Variants in ZKSCAN2 observed in about 807,000 individuals in gnomAD.
The protein encoded by ZKSCAN2 is zinc finger protein with KRAB and SCAN domains 2.
In ZKSCAN2, 38 loss-of-function variants were observed where a neutral mutation model predicts 90.5. The observed-to-expected ratio is 0.42, with a 90% CI of 0.32 to 0.55. The LOEUF is 0.55. ZKSCAN2 is among the 20% of genes least tolerant of loss of function. ZKSCAN2 has a pLI of 0.11. For synonymous variants in ZKSCAN2, 429 were observed against 421.6 expected, an observed-to-expected ratio of 1.02 and a Z score of -0.22; for missense variants, 1,167 against 1,202.6, an observed-to-expected ratio of 0.97 and a Z score of 0.44.
chr16:25,244,486 T>C (rs1962904630), intron 5 of ZKSCAN2, among the ~76,000 whole-genome samples: 1 of 152,208 alleles, frequency 6.6e-6, no homozygotes, highest in Admixed American at 6.5e-5. Context: ...GACAAGACAC[T>C]GTTTATGAAT....
intron 4 of ZKSCAN2, among the ~76,000 whole-genome samples, chr16:25,250,463 C>T (rs1296354569): frequency 6.6e-6 from 1 of 152,056 alleles, no homozygotes; most frequent in East Asian, 1.9e-4. Context: ...ACAGTGGTTG[C>T]CAGGGGCTTG....
chr16:25,242,181 G>T (rs894382876), intron 6 of ZKSCAN2, among the ~76,000 whole-genome samples: 4 of 152,152 alleles, frequency 2.6e-5, no homozygotes, highest in African/African-American at 9.7e-5. Flanking sequence ...TACTTCTTTT[G>T]AAGTTTTCTG....
intron 1 of ZKSCAN2, 130 bp downstream of exon 1, chr16:25,256,599 C>CT (rs1963105600): frequency 9.0e-6 from 9 of 999,870 alleles, no homozygotes; most frequent in Non-Finnish European, 1.2e-5. Flanking sequence ...AAAAGACCCC[C>CT]TTATAGGGTC....
intron 4 of ZKSCAN2, among the ~76,000 whole-genome samples, chr16:25,251,506 T>C (rs1567353690): frequency 6.6e-6 from 1 of 152,178 alleles, no homozygotes. Context: ...AGAAAGCAAA[T>C]TGAGAATTTG....
intron 4 of ZKSCAN2, among the ~76,000 whole-genome samples, chr16:25,250,069 G>C (rs1962997527): frequency 6.6e-6 from 1 of 152,224 alleles, no homozygotes; most frequent in African/African-American, 2.4e-5. Flanking sequence ...CCAGCACTTT[G>C]GGAGGCCAAG....
intron 3 of ZKSCAN2, 88 bp downstream of exon 3, chr16:25,252,858 C>T (rs1473557669): frequency 3.3e-5 from 35 of 1,060,916 alleles, no homozygotes; most frequent in Non-Finnish European, 2.3e-5. Flanking sequence ...GAGGTGGTTG[C>T]AGTGAGCTGA....
At chr16:25,245,364 A>G (rs1567351743) in intron 5 of ZKSCAN2, among the ~76,000 whole-genome samples, 1 of 152,192 alleles carries the variant, frequency 6.6e-6, no homozygotes, top group Non-Finnish European at 1.5e-5. Flanking sequence ...TCAGTCTCCT[A>G]AAGTGCTAGA....
chr16:25,257,481 G>C lies in ZKSCAN2; in HGVS notation c.-354C>G. The C allele has an allele frequency of 3.0e-6, 3 of 1,010,434 alleles. No individual in the cohort carries two copies. Among genetic ancestry groups the C allele is most frequent in the Non-Finnish European group, 3.5e-6 (3 of 847,292 alleles). The allele number at this position is 1,010,434 out of a possible 1,614,324, so 62.6% of individuals were successfully genotyped here. On this transcript the variant is annotated 5_prime_UTR_variant, in exon 1 of 7. Transcript: ENST00000328086. ...AAAGGCTGGGCGGAGGCGGACAGCC[G>C]GGCCGGGAGGGGGTGTGTCCGCTAC...
chr16:25,248,336 C>G (rs1962969766), intron 4 of ZKSCAN2, among the ~76,000 whole-genome samples: 1 of 105,322 alleles, frequency 9.5e-6, no homozygotes, highest in South Asian at 3.1e-4. Flanking sequence ...CAAAAACAGT[C>G]AACAAAGTGA....
intron 4 of ZKSCAN2, among the ~76,000 whole-genome samples, chr16:25,251,387 CGTAA>C (rs1461221425): frequency 2.0e-5 from 3 of 151,828 alleles, no homozygotes; most frequent in Admixed American, 2.0e-4. Context: ...GATATATTTT[CGTAA>C]GTATTTATTG....
At chr16:25,249,992 AT>A (rs1962996135) in intron 4 of ZKSCAN2, among the ~76,000 whole-genome samples, 1 of 152,200 alleles carries the variant, frequency 6.6e-6, no homozygotes, top group Non-Finnish European at 1.5e-5. Context: ...AGGAAAAAAA[AT>A]ATAATGGAGT....
In ZKSCAN2 at chr16:25,256,834, G is replaced by A. The variant is rs1963110017; in HGVS notation, c.294C>T (p.Pro98=). 3.1e-6 allele frequency: 5 copies of A among 1,614,060 alleles called. No homozygotes were observed. Among genetic ancestry groups the A allele is most frequent in the South Asian group, 1.1e-5 (1 of 91,082 alleles). The part of the protein sequence containing the change: ...LVIEQFLTIL[P]EKIQAWAQKQ... ...TCTGTGCCCAAGCCTGAATCTTCTCGGGTAAAATGGTGAGAAACTGCTCAA... is the reference window on the plus strand; with the variant it reads ...TCTGTGCCCAAGCCTGAATCTTCTCAGGTAAAATGGTGAGAAACTGCTCAA... The change falls in exon 1 of 7, where the codon CCC becomes CCT. Residue 98 remains proline, a synonymous_variant. Coordinates refer to ENST00000328086, the MANE Select transcript of ZKSCAN2 (RefSeq NM_001012981.5).
At chr16:25,250,223 C>A (rs1426972166) in intron 4 of ZKSCAN2, among the ~76,000 whole-genome samples, 1 of 152,002 alleles carries the variant, frequency 6.6e-6, no homozygotes, top group Non-Finnish European at 1.5e-5. Flanking sequence ...GCAGGAGAAT[C>A]GCTTGAACCC....
rs1464237689 is a variant in ZKSCAN2 at position 25,237,321 on chromosome 16, T to A, written c.*2495A>T. The A allele has an allele frequency of 6.6e-6, 1 of 152,156 alleles. No individual in the cohort carries two copies. Among genetic ancestry groups the A allele is most frequent in the Non-Finnish European group, 1.5e-5 (1 of 68,026 alleles). 9.4% of individuals were successfully genotyped at this position (152,156 alleles called of 1,614,324 possible). On this transcript the variant is annotated 3_prime_UTR_variant, in exon 7 of 7. Coordinates refer to ENST00000328086, the MANE Select transcript of ZKSCAN2 (RefSeq NM_001012981.5). ...TTCCATTTCTTCAGAACAAAGTTCA[T>A]CAAATTAATGTAACACATGTCTAGA...
At chr16:25,249,505 A>G (rs1273224805) in intron 4 of ZKSCAN2, among the ~76,000 whole-genome samples, 1 of 151,924 alleles carries the variant, frequency 6.6e-6, no homozygotes, top group Non-Finnish European at 1.5e-5. Context: ...GCTTGTCTTG[A>G]ACTCCTGACC....
At chr16:25,243,711 C>G in intron 6 of ZKSCAN2, 74 bp downstream of exon 6, 2 of 1,484,858 alleles carry the variant, frequency 1.3e-6, no homozygotes, top group Non-Finnish European at 1.8e-6. Context: ...GAGCTATGTG[C>G]AAGATCTACT....
chr16:25,243,669 C>A, intron 6 of ZKSCAN2, 116 bp downstream of exon 6: 1 of 1,302,084 alleles, frequency 7.7e-7, no homozygotes, highest in South Asian at 1.5e-5. Context: ...AGCACAGGCA[C>A]TCAAATATTT....
rs1383236292 is a variant in ZKSCAN2 at position 25,247,264 on chromosome 16, A to G, written c.932T>C (p.Val311Ala). 6.2e-7 allele frequency: 1 copy of G among 1,614,044 alleles called. No individual in the cohort carries two copies. Among genetic ancestry groups the G allele is most frequent in the African/African-American group, 1.3e-5 (1 of 74,922 alleles). The change falls in exon 5 of 7, where the codon GTT becomes GCT. Residue 311 changes from valine to alanine, a missense_variant. By Grantham distance (64) the Val-to-Ala change is moderately conservative. Coordinates refer to ENST00000328086, the MANE Select transcript of ZKSCAN2 (RefSeq NM_001012981.5). ...CCTTGCAGGGACCTGAATAGCATGA[A>G]CTGACTTTTCCTTGACGTAGTTGCT... ...LRSNYVKEKSVHAIQVPARSA... is the reference protein window; with the variant it reads ...LRSNYVKEKSAHAIQVPARSA...
chr16:25,240,058 T>C lies in ZKSCAN2; in HGVS notation c.2662A>G (p.Lys888Glu). 1 of 1,614,028 alleles carries C rather than the reference T, an allele frequency of 6.2e-7. No individual in the cohort carries two copies. Among genetic ancestry groups the C allele is most frequent in the Non-Finnish European group, 8.5e-7 (1 of 1,179,998 alleles). ...RRVHTGENPYKCVDCEKSFNN... is the reference protein window; with the variant it reads ...RRVHTGENPYECVDCEKSFNN... ...AAACTTTTTTCACAGTCCACACATT[T>C]GTAGGGATTCTCCCCAGTGTGAACT... is the stretch of plus-strand genomic sequence containing the variant. Residue 888 changes from lysine to glutamate, a missense_variant, in exon 7 of 7, where the codon AAA becomes GAA. Coordinates refer to ENST00000328086, the MANE Select transcript of ZKSCAN2 (RefSeq NM_001012981.5).
Sources: gnomAD v4.1 joint callset for allele counts (sites outside exome capture counted in the v4.1 genomes callset) on GRCh38, gnomAD v4.1.1 for gene constraint, MANE v1.5 for transcripts, NCBI Gene and HGNC (gene_info 2026-07-23, HGNC 2026-07-21) for gene names.